The following ESRRG variants were observed in gnomAD, a reference collection of about 807,000 sequenced individuals.
The protein encoded by ESRRG is estrogen related receptor gamma.
In ESRRG, 13 loss-of-function variants were observed where a neutral mutation model predicts 44.0. That is an observed-to-expected ratio of 0.30 (90% CI 0.19 to 0.47). The LOEUF (loss-of-function observed/expected upper bound fraction) is 0.47, where lower values mean the gene tolerates loss of function less well. Ranked by LOEUF, ESRRG falls within the 20% of genes least tolerant of loss-of-function variation. The pLI is 1.00. For missense variants in ESRRG, 395 were observed against 580.6 expected (o/e 0.68, Z 3.29); for synonymous variants, 215 against 214.6 (o/e 1.00, Z -0.02).
Position 216,951,408 on chromosome 1 carries a change from G to T in ESRRG, c.-105-11735C>A, listed in dbSNP as rs1288262998. Reference sequence around the variant, plus strand: ...GCTTTATGCATTACACAATGGAGCAGAAGGCAGTGATATATATTTAAATTT... The same window carrying T: ...GCTTTATGCATTACACAATGGAGCATAAGGCAGTGATATATATTTAAATTT... On this transcript the variant is annotated intron_variant, in intron 1 of 7. Coordinates refer to the ESRRG transcript ENST00000359162. 3.3e-5 allele frequency among the ~76,000 whole-genome samples: 5 copies of T among 152,132 alleles called. No individual in the cohort carries two copies. The East Asian group carries it at 9.6e-4, about 29-fold the overall frequency.
intron 1 of ESRRG, among the ~76,000 whole-genome samples, chr1:217,112,701 C>A (rs933897766): frequency 6.6e-6 from 1 of 152,216 alleles, no homozygotes; most frequent in Admixed American, 6.5e-5. Context: ...AATTGCTTCT[C>A]ATCTCCAGTC....
intron 5 of ESRRG, among the ~76,000 whole-genome samples, chr1:216,555,652 T>G (rs927973892): frequency 2.6e-5 from 4 of 152,158 alleles, no homozygotes; most frequent in African/African-American, 9.6e-5. Flanking sequence ...GGATGCCTGA[T>G]GTCTCCAGCT....
intron 1 of ESRRG, among the ~76,000 whole-genome samples, chr1:217,041,526 T>C (rs1023201692): frequency 2.0e-5 from 3 of 152,210 alleles, no homozygotes; most frequent in Non-Finnish European, 4.4e-5. Flanking sequence ...ATTGATGCCA[T>C]GTATGACAGT....
chr1:217,134,321 T>G (rs2093016684), intron 1 of ESRRG, among the ~76,000 whole-genome samples: 2 of 152,070 alleles, frequency 1.3e-5, no homozygotes, highest in South Asian at 4.1e-4. Flanking sequence ...TGGGCACTTT[T>G]GGGGGAATGT....
At chr1:216,856,351 C>G (rs2095938441) in intron 2 of ESRRG, among the ~76,000 whole-genome samples, 1 of 91,726 alleles carries the variant, frequency 1.1e-5, no homozygotes, top group African/African-American at 6.0e-5. Flanking sequence ...CTTCTCTCTT[C>G]AACACACACA....
intron 2 of ESRRG, among the ~76,000 whole-genome samples, chr1:216,816,420 T>A (rs1426883591): frequency 6.6e-6 from 1 of 152,194 alleles, no homozygotes; most frequent in Non-Finnish European, 1.5e-5. Context: ...AATTTTTATT[T>A]GTCAATTTAA....
At chr1:216,933,435 GAAA>G (rs796156937) in intron 2 of ESRRG, among the ~76,000 whole-genome samples, 8 of 141,304 alleles carry the variant, frequency 5.7e-5, no homozygotes, top group African/African-American at 1.6e-4. Context: ...GCTCTCAAAT[GAAA>G]AAAAAAAAAA....
intron 1 of ESRRG, among the ~76,000 whole-genome samples, chr1:216,988,848 C>T (rs1386983858): frequency 2.6e-5 from 4 of 152,110 alleles, no homozygotes; most frequent in Middle Eastern, 3.2e-3. Flanking sequence ...TCTATTATGA[C>T]GTTCAGACAA....
intron 2 of ESRRG, among the ~76,000 whole-genome samples, chr1:216,857,469 A>G (rs2095968499): frequency 6.6e-6 from 1 of 152,106 alleles, no homozygotes; most frequent in Non-Finnish European, 1.5e-5. Flanking sequence ...CAACACTCCT[A>G]TTGCCTGCAG....
chr1:216,820,046 T>A (rs1314404753), intron 2 of ESRRG, among the ~76,000 whole-genome samples: 1 of 152,184 alleles, frequency 6.6e-6, no homozygotes, highest in East Asian at 1.9e-4. Context: ...AAAATAAGCG[T>A]TTCTTTACAG....
intron 1 of ESRRG, among the ~76,000 whole-genome samples, chr1:216,717,532 C>T (rs543850157): frequency 2.6e-5 from 4 of 151,734 alleles, no homozygotes; most frequent in African/African-American, 9.6e-5. Flanking sequence ...TTTTTAAAAA[C>T]ACAATAGCAG....
At chr1:216,739,206 A>G (rs1377087112) in intron 2 of ESRRG, among the ~76,000 whole-genome samples, 1 of 152,118 alleles carries the variant, frequency 6.6e-6, no homozygotes, top group African/African-American at 2.4e-5. Flanking sequence ...ATCTTTATAA[A>G]TAATCCCGAC....
intron 1 of ESRRG, among the ~76,000 whole-genome samples, chr1:217,004,616 C>G (rs2077482488): frequency 6.6e-6 from 1 of 152,076 alleles, no homozygotes; most frequent in Non-Finnish European, 1.5e-5. Flanking sequence ...TAAACAGTAC[C>G]CAACCCAAGG....
intron 2 of ESRRG, among the ~76,000 whole-genome samples, chr1:216,674,910 A>C (rs1472510078): frequency 2.0e-5 from 3 of 150,952 alleles, no homozygotes; most frequent in Non-Finnish European, 4.4e-5. Flanking sequence ...ACTGCACCTG[A>C]CTAAGTAAAC....
chr1:216,913,634 G>C (rs1182208208), intron 2 of ESRRG, among the ~76,000 whole-genome samples: 1 of 152,240 alleles, frequency 6.6e-6, no homozygotes, highest in East Asian at 1.9e-4. Flanking sequence ...GGCCCTTGCC[G>C]ATTCCTCAAG....
intron 2 of ESRRG, among the ~76,000 whole-genome samples, chr1:216,891,802 T>TC (rs1361096595): frequency 6.8e-6 from 1 of 147,394 alleles, no homozygotes; most frequent in Non-Finnish European, 1.5e-5. Context: ...CGCTTTTTTT[T>TC]TTTTTTTTTT....
chr1:216,868,943 A>T (rs1467042969), intron 2 of ESRRG, among the ~76,000 whole-genome samples: 1 of 152,044 alleles, frequency 6.6e-6, no homozygotes, highest in African/African-American at 2.4e-5. Context: ...AGTCTTGTAA[A>T]TTCCTTATTT....
chr1:217,054,561 T>C (rs1238227529), intron 1 of ESRRG, among the ~76,000 whole-genome samples: 1 of 152,202 alleles, frequency 6.6e-6, no homozygotes. Flanking sequence ...TTTCAGTATC[T>C]TCTAATGGAA....
chr1:217,013,477 T>A (rs2078925335), intron 1 of ESRRG, among the ~76,000 whole-genome samples: 1 of 152,240 alleles, frequency 6.6e-6, no homozygotes, highest in South Asian at 2.1e-4. Flanking sequence ...TTTGAACAAG[T>A]AAACTCAATA....
Sources: gnomAD v4.1 joint callset for allele counts (sites outside exome capture counted in the v4.1 genomes callset) on GRCh38, gnomAD v4.1.1 for gene constraint, MANE v1.5 for transcripts, NCBI Gene and HGNC (gene_info 2026-07-23, HGNC 2026-07-21) for gene names.